The following LRRC37A2 variants were observed in gnomAD, a reference collection of about 807,000 sequenced individuals.
LRRC37A2 encodes the protein leucine-rich repeat-containing protein 37A2.
A neutral mutation model predicts 68.8 loss-of-function variants in LRRC37A2; 9 were observed. That is an observed-to-expected ratio of 0.13 (90% CI 0.08 to 0.23). The LOEUF is 0.23. Ranked by LOEUF, LRRC37A2 falls within the 10% of genes least tolerant of loss-of-function variation. The pLI, the probability that LRRC37A2 is intolerant of heterozygous loss-of-function variation, is 1.00. For synonymous variants in LRRC37A2, 63 were observed against 367.6 expected, an observed-to-expected ratio of 0.17 and a Z score of 9.48; for missense variants, 168 against 950.4, an observed-to-expected ratio of 0.18 and a Z score of 10.82.
the LRRC37A2 span, among the ~76,000 whole-genome samples, chr17:46,772,108 C>G: frequency 6.6e-6 from 1 of 152,138 alleles, no homozygotes; most frequent in Admixed American, 6.5e-5. Flanking sequence ...GGGCGGGGTG[C>G]AAACGTGGGG....
In LRRC37A2 at chr17:46,525,597, AATAAT is replaced by A. The variant is rs1174786442; in HGVS notation, c.2906+1720_2906+1724del. Among the ~76,000 whole-genome samples the A allele has an allele frequency of 5.1e-3, 372 of 73,108 alleles. 4 individuals carry two copies. Among genetic ancestry groups the A allele is most frequent in the African/African-American group, 0.017 (339 of 20,428 alleles). The allele number at this position is 73,108 out of a possible 152,430, so 48.0% of individuals were successfully genotyped here. On this transcript the variant is annotated intron_variant, in intron 6 of 14. Coordinates refer to ENST00000576629, the Ensembl canonical transcript of LRRC37A2. ...GTGAGACTCTGTCTCAAATAATAAT[AATAAT>A]ATAATAATAATAATCATCATCATCA...
At chr17:46,776,945 C>T in the LRRC37A2 span, among the ~76,000 whole-genome samples, 1 of 152,178 alleles carries the variant, frequency 6.6e-6, no homozygotes, top group Admixed American at 6.5e-5. Flanking sequence ...TTGACACCTT[C>T]TGCAGGCCTG....
chr17:46,950,817 C>A, the LRRC37A2 span, among the ~76,000 whole-genome samples: 1 of 152,170 alleles, frequency 6.6e-6, no homozygotes, highest in African/African-American at 2.4e-5. Context: ...AATCCCAGAA[C>A]AGAGGAAAAG....
chr17:46,804,430 G>A, the LRRC37A2 span, among the ~76,000 whole-genome samples: 1 of 152,124 alleles, frequency 6.6e-6, no homozygotes, highest in Non-Finnish European at 1.5e-5. Context: ...TCCGTCATAA[G>A]CCTCTTGAGG....
the LRRC37A2 span, chr17:46,773,526 G>T: frequency 1.1e-6 from 1 of 943,682 alleles, no homozygotes; most frequent in Non-Finnish European, 1.6e-6. Flanking sequence ...GGAAGGTGTG[G>T]CAGTCATGCA....
chr17:46,778,212 T>C, the LRRC37A2 span, among the ~76,000 whole-genome samples: 17,275 of 152,044 alleles, frequency 0.11, 2,341 homozygotes, highest in East Asian at 0.6. Flanking sequence ...GTAGAACACA[T>C]CAGAAATCTC....
At chr17:46,789,349 G>C in the LRRC37A2 span, among the ~76,000 whole-genome samples, 2 of 152,190 alleles carry the variant, frequency 1.3e-5, no homozygotes, top group East Asian at 3.9e-4. Flanking sequence ...AGGGATGCAG[G>C]CTATACACTA....
At chr17:46,982,802 C>T in the LRRC37A2 span, among the ~76,000 whole-genome samples, 1 of 152,156 alleles carries the variant, frequency 6.6e-6, no homozygotes, top group Non-Finnish European at 1.5e-5. Context: ...CAAGCAAAGG[C>T]TGTTTATTCA....
the LRRC37A2 span, among the ~76,000 whole-genome samples, chr17:47,020,143 A>T: frequency 6.6e-6 from 1 of 150,982 alleles, no homozygotes; most frequent in Non-Finnish European, 1.5e-5. Flanking sequence ...CTAAGTGGTT[A>T]AGAGTTGATT....
At chr17:47,022,799 G>T in the LRRC37A2 span, among the ~76,000 whole-genome samples, 3 of 152,108 alleles carry the variant, frequency 2.0e-5, no homozygotes, top group African/African-American at 7.2e-5. Context: ...ATGCATCATG[G>T]TTTATTTAAT....
chr17:46,932,246 G>T, the LRRC37A2 span: 40 of 1,610,290 alleles, frequency 2.5e-5, no homozygotes, highest in South Asian at 4.1e-4. Flanking sequence ...GACAGATCGT[G>T]GGGGCTGGAG....
At chr17:46,598,117 G>T in the LRRC37A2 span, among the ~76,000 whole-genome samples, 1 of 48,746 alleles carries the variant, frequency 2.1e-5, no homozygotes, top group Non-Finnish European at 4.0e-5. Flanking sequence ...ACTCTTAATG[G>T]GTTTTATATT....
At chr17:46,909,490 A>G in the LRRC37A2 span, among the ~76,000 whole-genome samples, 3 of 152,316 alleles carry the variant, frequency 2.0e-5, no homozygotes, top group Admixed American at 6.5e-5. Context: ...GCATATTAAT[A>G]TTTTACCTTT....
the LRRC37A2 span, among the ~76,000 whole-genome samples, chr17:46,927,488 C>G: frequency 6.6e-6 from 1 of 152,046 alleles, no homozygotes; most frequent in East Asian, 1.9e-4. Flanking sequence ...TTTATGCACA[C>G]CTGTATTTTC....
At chr17:46,820,792 G>T in the LRRC37A2 span, among the ~76,000 whole-genome samples, 1 of 152,172 alleles carries the variant, frequency 6.6e-6, no homozygotes, top group Non-Finnish European at 1.5e-5. Context: ...TTTCTGATCA[G>T]AGCTGCCTGC....
the LRRC37A2 span, chr17:46,749,719 T>C: frequency 6.7e-7 from 1 of 1,489,962 alleles, no homozygotes; most frequent in South Asian, 1.4e-5. Flanking sequence ...CTTACTGTAG[T>C]TTCCTAATTA....
the LRRC37A2 span, among the ~76,000 whole-genome samples, chr17:46,754,149 C>CT: frequency 0.84 from 112,129 of 134,002 alleles, 46,789 homozygotes; most frequent in East Asian, 0.96. Context: ...CCAGCCAGTT[C>CT]TTTTTTTTTT....
At chr17:47,033,419 C>G in the LRRC37A2 span, 1 of 691,458 alleles carries the variant, frequency 1.4e-6, no homozygotes, top group Non-Finnish European at 2.6e-6. Context: ...TACTTTCTCC[C>G]CAAGTACATC....
chr17:47,021,994 G>A, the LRRC37A2 span: 1 of 1,340,856 alleles, frequency 7.5e-7, no homozygotes, highest in Non-Finnish European at 1.1e-6. Context: ...AGCATTTTGA[G>A]GTCGGTACCT....
Sources: allele counts gnomAD v4.1 joint callset (sites outside exome capture counted in the v4.1 genomes callset), GRCh38; gene constraint gnomAD v4.1.1; transcripts MANE v1.5; gene names NCBI Gene and HGNC (gene_info 2026-07-23, HGNC 2026-07-21).